TBXAS1: variants seen among roughly 807,000 people sequenced by gnomAD.
The protein encoded by TBXAS1 is thromboxane-A synthase.
Under a neutral mutation model 60.7 loss-of-function variants are expected in TBXAS1, and 48 were observed. The ratio of observed to expected loss-of-function variants is 0.79; its 90% CI spans 0.63 to 1.01. The LOEUF (loss-of-function observed/expected upper bound fraction) is 1.01, where lower values mean the gene tolerates loss of function less well. Among genes scored for constraint, TBXAS1 ranks in the 50% least tolerant of loss-of-function variants. TBXAS1 has a pLI of 0.00. For synonymous variants in TBXAS1, 287 were observed against 269.7 expected (o/e 1.06, Z -0.63); for missense variants, 685 against 686.3 (o/e 1.00, Z 0.02).
chr7:139,812,757 T>C (rs1798049163), intron 4 of TBXAS1, among the ~76,000 whole-genome samples: 1 of 152,096 alleles, frequency 6.6e-6, no homozygotes, highest in Non-Finnish European at 1.5e-5. Flanking sequence ...TCACTGTACC[T>C]CATCTAAAGT....
rs528153980 is a variant in TBXAS1, at chr7:139,995,988, T to C, written c.1135-11103T>C. Among the ~76,000 whole-genome samples the C allele has an allele frequency of 3.3e-5, 5 of 152,290 alleles. No individual in the cohort carries two copies. The South Asian group carries it at 6.2e-4, about 19-fold the overall frequency. On this transcript the variant is annotated intron_variant, in intron 9 of 12. Transcript: ENST00000448866. ...TTGTCCCTGCCACAGTTGACAAATATAATGGCGCGTCTTCTTCTTCATTAT... is the reference window on the plus strand; with the variant it reads ...TTGTCCCTGCCACAGTTGACAAATACAATGGCGCGTCTTCTTCTTCATTAT...
At chr7:139,803,648 C>G (rs994687791) in intron 4 of TBXAS1, among the ~76,000 whole-genome samples, 1 of 152,118 alleles carries the variant, frequency 6.6e-6, no homozygotes, top group Non-Finnish European at 1.5e-5. Flanking sequence ...AAATGGTTTC[C>G]TGGGCCAGGC....
At chr7:139,920,399 T>G (rs1806366133) in intron 4 of TBXAS1, among the ~76,000 whole-genome samples, 1 of 152,102 alleles carries the variant, frequency 6.6e-6, no homozygotes, top group African/African-American at 2.4e-5. Flanking sequence ...CTTTTAGAAA[T>G]GGGAAACAAA....
intron 4 of TBXAS1, among the ~76,000 whole-genome samples, chr7:139,930,469 G>A (rs1807229411): frequency 6.6e-6 from 1 of 152,192 alleles, no homozygotes; most frequent in Non-Finnish European, 1.5e-5. Flanking sequence ...ACTGTAGAGA[G>A]GTCAAACCAG....
intron 3 of TBXAS1, among the ~76,000 whole-genome samples, chr7:139,879,645 AT>A (rs1163970820): frequency 1.3e-5 from 2 of 152,108 alleles, no homozygotes; most frequent in African/African-American, 4.8e-5. Flanking sequence ...TATATTCAAT[AT>A]ATCCTGTTTG....
At chr7:139,800,140 T>G (rs1440573458) in intron 4 of TBXAS1, among the ~76,000 whole-genome samples, 2 of 152,146 alleles carry the variant, frequency 1.3e-5, no homozygotes, top group South Asian at 2.1e-4. Context: ...TGGAAGAACC[T>G]CCTGACAGTT....
chr7:139,867,848 A>ATAAT lies in TBXAS1; in HGVS notation c.90-4384_90-4383insTTAA, dbSNP rs1369738920. On this transcript the variant is annotated intron_variant, in intron 1 of 12. Transcript: ENST00000448866. ...AAATAATAAATAAATAAATAAATAA[A>ATAAT]TAAATAAATAAAGAGAAAGCCTTGA... Among the ~76,000 whole-genome samples the ATAAT allele has an allele frequency of 5.9e-5, 9 of 151,716 alleles. No individual in the cohort carries two copies. In the South Asian group the frequency reaches 1.7e-3, roughly 28 times the overall value.
chr7:139,984,946 AAAAG>A (rs111228602), intron 9 of TBXAS1, among the ~76,000 whole-genome samples: 4,499 of 141,878 alleles, frequency 0.032, 131 homozygotes, highest in African/African-American at 0.077. Context: ...GAAAGAAAAG[AAAAG>A]AAAGAAAGAA....
At chr7:139,840,246 T>C (rs1042422454) in intron 1 of TBXAS1, among the ~76,000 whole-genome samples, 4 of 152,124 alleles carry the variant, frequency 2.6e-5, no homozygotes, top group African/African-American at 4.8e-5. Flanking sequence ...GGATGGAATA[T>C]GGGAGCCAAG....
chr7:139,822,155 G>C (rs1414515079), intron 4 of TBXAS1, among the ~76,000 whole-genome samples: 2 of 152,140 alleles, frequency 1.3e-5, no homozygotes, highest in Non-Finnish European at 2.9e-5. Flanking sequence ...GTATGGAAGG[G>C]GTAGGATTTG....
chr7:139,952,415 A>G, intron 5 of TBXAS1: 3 of 1,136,466 alleles, frequency 2.6e-6, no homozygotes, highest in Non-Finnish European at 3.6e-6. Flanking sequence ...TGTGAAAATC[A>G]TCAAATCTAA....
chr7:139,864,579 C>CA (rs1801209745), intron 1 of TBXAS1, among the ~76,000 whole-genome samples: 1 of 150,434 alleles, frequency 6.6e-6, no homozygotes, highest in Non-Finnish European at 1.5e-5. Context: ...GAAAAAAAGA[C>CA]AAAAAAGAGA....
intron 9 of TBXAS1, among the ~76,000 whole-genome samples, chr7:140,005,750 G>A (rs931161900): frequency 6.6e-6 from 1 of 152,188 alleles, no homozygotes; most frequent in Non-Finnish European, 1.5e-5. Context: ...TTTCTGCAAC[G>A]TGGCTTATAG....
intron 3 of TBXAS1, among the ~76,000 whole-genome samples, chr7:139,894,229 C>T (rs911873764): frequency 6.6e-6 from 1 of 152,212 alleles, no homozygotes; most frequent in African/African-American, 2.4e-5. Context: ...GCTGCAGACC[C>T]AGTCCTTTGC....
intron 9 of TBXAS1, among the ~76,000 whole-genome samples, chr7:139,987,238 C>T (rs1315563861): frequency 6.6e-6 from 1 of 152,092 alleles, no homozygotes; most frequent in African/African-American, 2.4e-5. Context: ...AGGGTGCAGC[C>T]GAGGTTGAGA....
chr7:139,856,263 G>T (rs1427465693), intron 1 of TBXAS1, among the ~76,000 whole-genome samples: 1 of 152,126 alleles, frequency 6.6e-6, no homozygotes, highest in Middle Eastern at 3.2e-3. Flanking sequence ...ATGTTTTGTG[G>T]CAATGCTCCT....
At chr7:139,836,049 A>C (rs1443305266) in intron 1 of TBXAS1, among the ~76,000 whole-genome samples, 1 of 144,766 alleles carries the variant, frequency 6.9e-6, no homozygotes, top group Non-Finnish European at 1.5e-5. Context: ...TAAATAAATA[A>C]ATAAATAAAT....
At chr7:139,943,326 C>T (rs1187222533) in intron 5 of TBXAS1, among the ~76,000 whole-genome samples, 1 of 152,186 alleles carries the variant, frequency 6.6e-6, no homozygotes, top group African/African-American at 2.4e-5. Flanking sequence ...CAGCGAGAGA[C>T]CATTATCCTG....
At chr7:139,794,550 C>T (rs1797493570) in intron 4 of TBXAS1, among the ~76,000 whole-genome samples, 1 of 151,304 alleles carries the variant, frequency 6.6e-6, no homozygotes, top group Admixed American at 6.6e-5. Flanking sequence ...TTTTAAGGTA[C>T]ATGTGCACAT....
Sources: allele counts gnomAD v4.1 joint callset (sites outside exome capture counted in the v4.1 genomes callset), GRCh38; gene constraint gnomAD v4.1.1; transcripts MANE v1.5; gene names NCBI Gene and HGNC (gene_info 2026-07-23, HGNC 2026-07-21).